Variants in ADGRL2 observed in about 807,000 individuals in gnomAD.
ADGRL2 encodes the protein calcium-independent alpha-latrotoxin receptor 2.
In ADGRL2, 44 loss-of-function variants were observed where a neutral mutation model predicts 157.4. The observed-to-expected ratio is 0.28, with a 90% CI of 0.22 to 0.36. The LOEUF is 0.36. ADGRL2 is among the 10% of genes least tolerant of loss of function. The probability of loss-of-function intolerance (pLI) is 1.00; values close to 1 mark genes in which losing one functional copy is unlikely to be tolerated. For missense variants in ADGRL2, 1,510 were observed against 1,768.9 expected (o/e 0.85, Z 2.63); for synonymous variants, 585 against 624.7 (o/e 0.94, Z 0.95).
intron 3 of ADGRL2, among the ~76,000 whole-genome samples, chr1:81,909,191 G>C (rs1020777823): frequency 6.6e-6 from 1 of 151,300 alleles, no homozygotes; most frequent in African/African-American, 2.4e-5. Context: ...TATCTTTTTT[G>C]TATCTGTTTA....
intron 3 of ADGRL2, among the ~76,000 whole-genome samples, chr1:81,673,168 C>T (rs1350132614): frequency 6.6e-6 from 1 of 152,198 alleles, no homozygotes; most frequent in Non-Finnish European, 1.5e-5. Flanking sequence ...TTTAAAAATT[C>T]ATTTCAAGCC....
chr1:81,894,650 G>A (rs972835329), intron 2 of ADGRL2, among the ~76,000 whole-genome samples: 5 of 151,328 alleles, frequency 3.3e-5, no homozygotes, highest in Non-Finnish European at 1.5e-5. Context: ...TTGTTTAAAG[G>A]AAAAAGAGTA....
chr1:81,842,375 T>TTA lies in ADGRL2; in HGVS notation c.73+5318_73+5319insTA, dbSNP rs1380656471. On this transcript the variant is annotated intron_variant, in intron 2 of 23. Transcript: ENST00000686636. ...GCGCTTTTTTTTTTTTTTTTTTTTTTAAGATGGAGTCTCACTCTGTCTCCC... is the reference window on the plus strand; with the variant it reads ...GCGCTTTTTTTTTTTTTTTTTTTTTTTAAAGATGGAGTCTCACTCTGTCTCCC... 1.1e-3 allele frequency among the ~76,000 whole-genome samples: 147 copies of TTA among 139,322 alleles called. 1 individual carries two copies. The highest frequency in any genetic ancestry group is 7.9e-3 in the East Asian group (38 of 4,786). 91.4% of individuals were successfully genotyped at this position (139,322 alleles called of 152,430 possible).
At chr1:81,969,415 T>C (rs762435980) in intron 15 of ADGRL2, 28 bp downstream of exon 15, 1 of 1,490,606 alleles carries the variant, frequency 6.7e-7, no homozygotes, top group Non-Finnish European at 9.3e-7. Context: ...TCATTGACCT[T>C]AGATCTCTGA....
chr1:81,874,363 G>A (rs1194301258), intron 2 of ADGRL2, among the ~76,000 whole-genome samples: 1 of 152,052 alleles, frequency 6.6e-6, no homozygotes, highest in Non-Finnish European at 1.5e-5. Context: ...TTTACATATT[G>A]TGTAAAATTT....
At chr1:81,940,936 G>GTT (rs5775651) in intron 4 of ADGRL2, among the ~76,000 whole-genome samples, 1 of 144,494 alleles carries the variant, frequency 6.9e-6, no homozygotes, top group Non-Finnish European at 1.5e-5. Context: ...TGTAGGAGTT[G>GTT]TTTTTTTTTT....
At chr1:81,357,932 C>A (rs1663432643) in intron 1 of ADGRL2, among the ~76,000 whole-genome samples, 1 of 152,142 alleles carries the variant, frequency 6.6e-6, no homozygotes, top group African/African-American at 2.4e-5. Flanking sequence ...TTATGGAAAT[C>A]AAATAAGTGA....
At chr1:81,646,783 G>T (rs1451033255) in intron 3 of ADGRL2, among the ~76,000 whole-genome samples, 1 of 152,092 alleles carries the variant, frequency 6.6e-6, no homozygotes, top group African/African-American at 2.4e-5. Context: ...GATTCATTTT[G>T]AAGAAATGTC....
intron 2 of ADGRL2, among the ~76,000 whole-genome samples, chr1:81,787,631 G>GTT (rs2087119172): frequency 6.6e-6 from 1 of 151,958 alleles, no homozygotes; most frequent in Admixed American, 6.6e-5. Flanking sequence ...CTTCAGCCTG[G>GTT]GTGACAGAGC....
rs1485057402 is a variant in ADGRL2, at chr1:81,760,773, TA to T, written c.-142-1036del. Among the ~76,000 whole-genome samples the T allele has an allele frequency of 2.0e-5, 3 of 151,818 alleles. No homozygotes were observed. The East Asian group carries it at 5.8e-4, about 29-fold the overall frequency. ...AGTTATAATATCAAAATTGTATTGA[TA>T]ATCTTTAGAAATAAATTCCATGTAA... On this transcript the variant is annotated intron_variant, in intron 1 of 20. Coordinates refer to the ADGRL2 transcript ENST00000359929.
rs540630258 is a variant in ADGRL2 at position 81,842,996 on chromosome 1, C to T, written c.73+5939C>T. On this transcript the variant is annotated intron_variant, in intron 2 of 23. Coordinates refer to ENST00000686636, the MANE Select transcript of ADGRL2 (RefSeq NM_001366006.2). ...GGTACTTGGGGATTTGGCTGTAAAC[C>T]TAATGGGAGTCACAACTCCCATTAA... Among the ~76,000 whole-genome samples the T allele has an allele frequency of 8.5e-4, 130 of 152,168 alleles. 1 individual carries two copies. The highest frequency in any genetic ancestry group is 3.0e-3 in the African/African-American group (125 of 41,516).
chr1:81,560,437 C>G (rs1276751855), intron 2 of ADGRL2, among the ~76,000 whole-genome samples: 3 of 152,150 alleles, frequency 2.0e-5, no homozygotes, highest in Non-Finnish European at 4.4e-5. Flanking sequence ...ATCCTTAGTG[C>G]TGTATCCTGT....
intron 23 of ADGRL2, among the ~76,000 whole-genome samples, chr1:81,989,262 C>T (rs572467342): frequency 1.4e-3 from 212 of 152,286 alleles, no homozygotes; most frequent in African/African-American, 4.8e-3. Context: ...GGCTGCCACC[C>T]TTCTCCCATT....
chr1:81,880,653 C>A (rs143081189), intron 2 of ADGRL2, among the ~76,000 whole-genome samples: 130 of 152,082 alleles, frequency 8.5e-4, no homozygotes, highest in African/African-American at 2.8e-3. Flanking sequence ...GCATGAATTT[C>A]TTCTCCCTCC....
intron 10 of ADGRL2, among the ~76,000 whole-genome samples, chr1:81,954,468 A>G: frequency 6.6e-6 from 1 of 152,184 alleles, no homozygotes; most frequent in East Asian, 1.9e-4. Context: ...TTAAATTACA[A>G]ATCAGAAGCT....
rs867167888 is a variant in ADGRL2 at position 81,676,463 on chromosome 1, A to C, written c.-142-85348A>C. Among the ~76,000 whole-genome samples the C allele has an allele frequency of 3.3e-5, 5 of 152,026 alleles. No individual in the cohort carries two copies. In the South Asian group the frequency reaches 1.0e-3, roughly 32 times the overall value. On this transcript the variant is annotated intron_variant, in intron 3 of 24. Transcript: ENST00000370721. ...CAGGAACACAGCACCACACCCAGCA[A>C]ATTTTTAAAAAATTTTTTGTAGAGA...
At chr1:81,394,209 G>C (rs557506536) in intron 1 of ADGRL2, among the ~76,000 whole-genome samples, 1 of 152,122 alleles carries the variant, frequency 6.6e-6, no homozygotes, top group East Asian at 1.9e-4. Context: ...TATAGATTCT[G>C]ACTAATTGAC....
chr1:81,736,637 C>T (rs1314693225), intron 1 of ADGRL2, among the ~76,000 whole-genome samples: 1 of 152,084 alleles, frequency 6.6e-6, no homozygotes, highest in East Asian at 1.9e-4. Context: ...GATCTCTATG[C>T]CTTATAACCA....
chr1:81,427,443 T>C (rs2077239294), intron 1 of ADGRL2: 1 of 752,846 alleles, frequency 1.3e-6, no homozygotes, highest in Non-Finnish European at 2.4e-6. Flanking sequence ...TTGGTGGTGG[T>C]AACTGTGGTG....
Sources: allele counts gnomAD v4.1 joint callset (sites outside exome capture counted in the v4.1 genomes callset), GRCh38; gene constraint gnomAD v4.1.1; transcripts MANE v1.5; gene names NCBI Gene and HGNC (gene_info 2026-07-23, HGNC 2026-07-21).